ARID1B: variants seen among roughly 807,000 people sequenced by gnomAD.
ARID1B encodes AT-rich interactive domain-containing protein 1B.
A neutral mutation model predicts 212.3 loss-of-function variants in ARID1B; 30 were observed. The ratio of observed to expected loss-of-function variants is 0.14; its 90% confidence interval spans 0.11 to 0.19. ARID1B has a LOEUF of 0.19. Ranked by LOEUF, ARID1B falls within the 10% of genes least tolerant of loss-of-function variation. The pLI, the probability that ARID1B is intolerant of heterozygous loss-of-function variation, is 1.00. For synonymous variants in ARID1B, 1,402 were observed against 1,301.7 expected (o/e 1.08, Z -1.66); for missense variants, 2,891 against 3,204.0 (o/e 0.90, Z 2.36).
chr6:156,850,059 G>A lies in ARID1B; in HGVS notation c.1986+20638G>A, dbSNP rs368663991. On this transcript the variant is annotated intron_variant, in intron 2 of 19. Coordinates refer to ENST00000636930, the MANE Select transcript of ARID1B (RefSeq NM_001374828.1). Reference sequence around the variant, plus strand: ...GACAACTTTAAGCACATAGTTACTAGATGCAGGCCCGCCCAGCCCCGGGAG... The same window carrying A: ...GACAACTTTAAGCACATAGTTACTAAATGCAGGCCCGCCCAGCCCCGGGAG... 3.3e-4 allele frequency among the ~76,000 whole-genome samples: 49 copies of A among 149,260 alleles called. No homozygotes were observed. In the South Asian group the frequency reaches 9.5e-3, roughly 29 times the overall value.
chr6:156,830,889 C>T lies in ARID1B; in HGVS notation c.1986+1468C>T, dbSNP rs974119744. Among the ~76,000 whole-genome samples, 22 of 152,274 alleles carry T rather than the reference C, an allele frequency of 1.4e-4. No homozygotes were observed. The South Asian group carries it at 1.7e-3, about 11-fold the overall frequency. On this transcript the variant is annotated intron_variant, in intron 2 of 19. Transcript: ENST00000636930. ...CCATTATTGGGGAAGATAGAGGTAG[C>T]TCAGCCTTTGAATCCTAGTTGCAGA...
At chr6:156,992,697 C>A (rs1778341676) in intron 4 of ARID1B, among the ~76,000 whole-genome samples, 1 of 152,160 alleles carries the variant, frequency 6.6e-6, no homozygotes, top group African/African-American at 2.4e-5. Context: ...GCAGCCGTGG[C>A]CTGTTTCTGC....
chr6:156,927,138 A>G (rs1791290082), intron 3 of ARID1B, among the ~76,000 whole-genome samples: 1 of 152,222 alleles, frequency 6.6e-6, no homozygotes, highest in Non-Finnish European at 1.5e-5. Context: ...TAAATGGAAT[A>G]TATATTATTG....
At chr6:156,993,474 A>G (rs1029360658) in intron 4 of ARID1B, among the ~76,000 whole-genome samples, 4 of 152,200 alleles carry the variant, frequency 2.6e-5, no homozygotes, top group Non-Finnish European at 2.9e-5. Context: ...GTTATTTCCT[A>G]TTTTGCAAGA....
At chr6:156,805,643 A>T (rs537550379) in intron 1 of ARID1B, among the ~76,000 whole-genome samples, 31 of 152,260 alleles carry the variant, frequency 2.0e-4, no homozygotes, top group Admixed American at 9.2e-4. Flanking sequence ...CCATACACGG[A>T]AGAAAAAATA....
At chr6:157,125,968 G>A (rs985045155) in intron 6 of ARID1B, among the ~76,000 whole-genome samples, 3 of 151,910 alleles carry the variant, frequency 2.0e-5, no homozygotes, top group Admixed American at 2.0e-4. Context: ...TCAGTTCCTC[G>A]AGGGCAAGGA....
intron 2 of ARID1B, among the ~76,000 whole-genome samples, chr6:156,863,107 GC>G (rs1047720803): frequency 2.8e-4 from 43 of 152,280 alleles, no homozygotes; most frequent in African/African-American, 1.0e-3. Context: ...TTCTAAGAAT[GC>G]CTGAAATTAG....
At chr6:156,905,215 T>C (rs1302398212) in intron 3 of ARID1B, among the ~76,000 whole-genome samples, 4 of 148,644 alleles carry the variant, frequency 2.7e-5, no homozygotes, top group Non-Finnish European at 5.9e-5. Context: ...TAGAATAGAA[T>C]AATAGAATAG....
At chr6:156,882,361 G>A (rs1006203874) in intron 2 of ARID1B, among the ~76,000 whole-genome samples, 5 of 152,000 alleles carry the variant, frequency 3.3e-5, no homozygotes, top group African/African-American at 1.2e-4. Context: ...TTCTGCTAGG[G>A]GCTGTTTCTG....
intron 13 of ARID1B, among the ~76,000 whole-genome samples, chr6:157,188,157 A>G (rs554155063): frequency 8.5e-5 from 13 of 152,166 alleles, no homozygotes; most frequent in South Asian, 2.1e-4. Context: ...GCGTTTACCT[A>G]TGTAACAAAC....
chr6:156,872,899 C>T (rs1234446525), intron 2 of ARID1B, among the ~76,000 whole-genome samples: 1 of 152,140 alleles, frequency 6.6e-6, no homozygotes, highest in Non-Finnish European at 1.5e-5. Flanking sequence ...TCCCCTGGAA[C>T]CCCTGCCCAT....
chr6:156,827,122 CCT>C (rs1041269238), intron 1 of ARID1B, among the ~76,000 whole-genome samples: 5 of 152,102 alleles, frequency 3.3e-5, no homozygotes, highest in Non-Finnish European at 5.9e-5. Context: ...GAGTGGATGT[CCT>C]CTCTGCTGAC....
At chr6:156,911,197 G>A (rs1334083415) in intron 3 of ARID1B, among the ~76,000 whole-genome samples, 1 of 152,140 alleles carries the variant, frequency 6.6e-6, no homozygotes, top group African/African-American at 2.4e-5. Context: ...GCAAAGTTCT[G>A]AGCAAAACAA....
intron 2 of ARID1B, among the ~76,000 whole-genome samples, chr6:156,895,404 G>C (rs1420561135): frequency 6.6e-6 from 1 of 152,220 alleles, no homozygotes; most frequent in Non-Finnish European, 1.5e-5. Flanking sequence ...CAGTCGCTCA[G>C]ACACCAGAAC....
At chr6:156,940,396 G>A (rs1792577796) in intron 4 of ARID1B, 1 of 152,160 alleles carries the variant, frequency 6.6e-6, no homozygotes, top group African/African-American at 2.4e-5. Flanking sequence ...AGTGCTTATG[G>A]CACTTTTGTT....
intron 4 of ARID1B, among the ~76,000 whole-genome samples, chr6:156,963,253 T>C (rs978400978): frequency 1.3e-5 from 2 of 152,226 alleles, no homozygotes; most frequent in African/African-American, 4.8e-5. Context: ...AAGAAGTCTG[T>C]TCAGTGATGT....
At chr6:156,846,044 C>G (rs185404508) in intron 2 of ARID1B, among the ~76,000 whole-genome samples, 2 of 152,126 alleles carry the variant, frequency 1.3e-5, no homozygotes, top group East Asian at 3.9e-4. Context: ...TTTATCTTGC[C>G]GACGACAATG....
chr6:156,917,902 T>C (rs1048353216), intron 3 of ARID1B, among the ~76,000 whole-genome samples: 2 of 152,230 alleles, frequency 1.3e-5, no homozygotes, highest in African/African-American at 4.8e-5. Context: ...TTCTAAAATA[T>C]CTTTCTTCAG....
upstream of ARID1B, chr6:156,776,272 TAAC>T (rs1396058275): frequency 2.0e-5 from 3 of 152,148 alleles, no homozygotes; most frequent in South Asian, 2.1e-4. Flanking sequence ...AAAACATTAA[TAAC>T]AATGCAAATA....
Sources: gnomAD v4.1 joint callset for allele counts (sites outside exome capture counted in the v4.1 genomes callset) on GRCh38, gnomAD v4.1.1 for gene constraint, MANE v1.5 for transcripts, NCBI Gene and HGNC (gene_info 2026-07-23, HGNC 2026-07-21) for gene names.